TPO: variants seen among roughly 807,000 people sequenced by gnomAD.
The protein encoded by TPO is thyroid microsomal antigen.
TPO carries 78 observed loss-of-function variants against 96.9 expected under a neutral mutation model. The ratio of observed to expected loss-of-function variants is 0.81; its 90% CI spans 0.67 to 0.97. The LOEUF is 0.97. Ranked by LOEUF, TPO falls within the 50% of genes least tolerant of loss-of-function variation. TPO has a pLI of 0.00. For missense variants in TPO, 1,252 were observed against 1,274.8 expected (o/e 0.98, Z 0.27); for synonymous variants, 547 against 538.0 (o/e 1.02, Z -0.23).
chr2:1,538,307 G>A lies in TPO; in HGVS notation c.2619-2287G>A, dbSNP rs541329701. 5.9e-5 allele frequency among the ~76,000 whole-genome samples: 9 copies of A among 152,264 alleles called. No individual in the cohort carries two copies. The East Asian group carries it at 1.2e-3, about 20-fold the overall frequency. On this transcript the variant is annotated intron_variant, in intron 15 of 16. Transcript: ENST00000329066. ...GCTCCGACCTGATACAAAGGAAAGC[G>A]GGTTGAATTCAGAGGCACGGGCATA...
At chr2:1,489,453 G>A (rs1002393484) in intron 10 of TPO, among the ~76,000 whole-genome samples, 3 of 152,150 alleles carry the variant, frequency 2.0e-5, no homozygotes, top group African/African-American at 7.2e-5. Flanking sequence ...CCCCCTCCCG[G>A]CTCTCACAAC....
intron 15 of TPO, among the ~76,000 whole-genome samples, chr2:1,537,540 A>ATTGTGCAACCCCCCAAATCCCCCAACT: frequency 4.5e-5 from 1 of 22,130 alleles, no homozygotes; most frequent in East Asian, 1.8e-3. Context: ...TATCCCCCCC[A>ATTGTGCAACCCCCCAAATCCCCCAACT]GTGTGCAACC....
chr2:1,449,027 C>T (rs565234510), intron 5 of TPO, among the ~76,000 whole-genome samples: 2 of 152,296 alleles, frequency 1.3e-5, no homozygotes, highest in South Asian at 4.1e-4. Flanking sequence ...CTTCCTCCAG[C>T]GGCCATTCTG....
intron 5 of TPO, among the ~76,000 whole-genome samples, chr2:1,438,642 C>A (rs1020563916): frequency 6.9e-6 from 1 of 145,236 alleles, no homozygotes; most frequent in East Asian, 2.1e-4. Context: ...CCATGTGCAA[C>A]ATCGTGGGCA....
intron 15 of TPO, among the ~76,000 whole-genome samples, chr2:1,525,332 C>A (rs1421059725): frequency 1.5e-5 from 2 of 131,164 alleles, no homozygotes; most frequent in African/African-American, 5.8e-5. Context: ...CCTCAAATCC[C>A]CTCACTATGT....
chr2:1,387,933 G>C (rs897578851), intron 1 of TPO, among the ~76,000 whole-genome samples: 1 of 152,190 alleles, frequency 6.6e-6, no homozygotes, highest in African/African-American at 2.4e-5. Context: ...CTAACAGACA[G>C]GACCCTCAGC....
intron 7 of TPO, among the ~76,000 whole-genome samples, chr2:1,457,964 T>C (rs1049390334): frequency 6.6e-6 from 1 of 151,264 alleles, no homozygotes. Context: ...CACGTGTGTA[T>C]ATGGCATATA....
rs555404863 is a variant in TPO, at chr2:1,421,542, G to A, written c.95-1503G>A. On this transcript the variant is annotated intron_variant, in intron 2 of 16. Transcript: ENST00000329066. The stretch of plus-strand genomic sequence containing the variant: ...AAAGCACCAGAGTCCTGGGGAGGTG[G>A]GGGGCGGGGCTGGTTACTGCATTTG... Among the ~76,000 whole-genome samples the A allele has an allele frequency of 2.6e-5, 4 of 152,340 alleles. No individual in the cohort carries two copies. In the East Asian group the frequency reaches 7.7e-4, roughly 29 times the overall value.
chr2:1,457,273 T>C (rs113814433), intron 7 of TPO, among the ~76,000 whole-genome samples: 1 of 95,108 alleles, frequency 1.1e-5, no homozygotes, highest in East Asian at 3.4e-4. Context: ...ATATAGCATG[T>C]ATGATAGTGT....
intron 14 of TPO, among the ~76,000 whole-genome samples, chr2:1,511,315 C>A (rs530651983): frequency 0.34 from 4,699 of 13,666 alleles, 915 homozygotes; most frequent in South Asian, 0.5. Flanking sequence ...TGCCACAGCG[C>A]AGCCCTGCAG....
rs181996255 is a variant in TPO at position 1,539,167 on chromosome 2, G to A, written c.2619-1427G>A. ...ATGATTATCAAGTAGATCCAGTTCC[G>A]TTTACAGTAATGAGCAGACAGTGAA... On this transcript the variant is annotated intron_variant, in intron 15 of 16. Transcript: ENST00000329066. Among the ~76,000 whole-genome samples the A allele has an allele frequency of 2.6e-4, 39 of 152,222 alleles. No homozygotes were observed. The East Asian group carries it at 3.5e-3, about 14-fold the overall frequency.
At chr2:1,431,930 C>G (rs1665014239) in intron 3 of TPO, among the ~76,000 whole-genome samples, 1 of 152,214 alleles carries the variant, frequency 6.6e-6, no homozygotes, top group Admixed American at 6.5e-5. Flanking sequence ...CTCTGTAGTT[C>G]TGTCTGGCGT....
intron 1 of TPO, among the ~76,000 whole-genome samples, chr2:1,407,687 T>C (rs1001766637): frequency 2.0e-5 from 3 of 152,204 alleles, no homozygotes; most frequent in African/African-American, 7.2e-5. Context: ...GAATATTTAA[T>C]AAACCAGATG....
chr2:1,443,703 T>A (rs12992385), intron 5 of TPO, among the ~76,000 whole-genome samples: 3 of 98,522 alleles, frequency 3.0e-5, no homozygotes, highest in African/African-American at 1.3e-4. Flanking sequence ...GGAATGGAGC[T>A]GGCTCCTTCT....
At chr2:1,527,995 CCCAAT>C (rs1677026710) in intron 15 of TPO, among the ~76,000 whole-genome samples, 1 of 148,208 alleles carries the variant, frequency 6.7e-6, no homozygotes, top group African/African-American at 2.5e-5. Flanking sequence ...CTCAAATCCC[CCCAAT>C]GTGAGGAACC....
chr2:1,474,091 A>G (rs1409821888), intron 7 of TPO, among the ~76,000 whole-genome samples: 9 of 152,188 alleles, frequency 5.9e-5, no homozygotes, highest in African/African-American at 2.2e-4. Flanking sequence ...TTAATTTTAA[A>G]TTAAATTGTT....
At chr2:1,413,854 A>G in intron 1 of TPO, 3 of 505,430 alleles carry the variant, frequency 5.9e-6, no homozygotes, top group Non-Finnish European at 7.7e-6. Context: ...CTAAGAGAAG[A>G]AAACAAGGAT....
chr2:1,521,884 GT>G (rs1205839023), intron 15 of TPO, among the ~76,000 whole-genome samples: 1 of 151,960 alleles, frequency 6.6e-6, no homozygotes, highest in Non-Finnish European at 1.5e-5. Flanking sequence ...TCCCACCCCA[GT>G]CCCCCCGTGG....
chr2:1,476,612 T>C (rs896339679), intron 7 of TPO, among the ~76,000 whole-genome samples: 21 of 152,120 alleles, frequency 1.4e-4, no homozygotes, highest in African/African-American at 5.1e-4. Context: ...AGTCAGAAAA[T>C]AAACCAGACC....
Sources: gnomAD v4.1 joint callset for allele counts (sites outside exome capture counted in the v4.1 genomes callset) on GRCh38, gnomAD v4.1.1 for gene constraint, MANE v1.5 for transcripts, NCBI Gene and HGNC (gene_info 2026-07-23, HGNC 2026-07-21) for gene names.